The following TBC1D4 variants were observed in gnomAD, a reference collection of about 807,000 sequenced individuals.
TBC1D4 encodes the protein TBC (Tre-2, BUB2, CDC16) domain-containing protein.
A neutral mutation model predicts 142.5 loss-of-function variants in TBC1D4; 121 were observed. The observed-to-expected ratio is 0.85, with a 90% CI of 0.73 to 0.99. The LOEUF (loss-of-function observed/expected upper bound fraction) is 0.99. TBC1D4 is among the 50% of genes least tolerant of loss of function. TBC1D4 has a pLI of 0.00. For missense variants in TBC1D4, 1,475 were observed against 1,606.6 expected, an observed-to-expected ratio of 0.92 and a Z score of 1.40; for synonymous variants, 630 against 628.2, an observed-to-expected ratio of 1.00 and a Z score of -0.04.
At position 75,302,544 on chromosome 13, in the gene TBC1D4, A is replaced by G. The variant is rs1876688625; in HGVS notation, c.2753-143T>C. ...TAAGACCACACAATATAATTGACAG[A>G]AGCATATTTTGACAAGCTGAATCCT... is the stretch of plus-strand genomic sequence containing the variant. On this transcript the variant is annotated intron_variant, in intron 15 of 20. Transcript: ENST00000377636. The G allele has an allele frequency of 3.0e-5, 29 of 963,168 alleles. 1 individual carries two copies. In the South Asian group the frequency reaches 4.2e-4, roughly 14 times the overall value. 59.7% of individuals were successfully genotyped at this position (963,168 alleles called of 1,614,324 possible). A position where few individuals can be genotyped will look rare whatever the true frequency, so the allele number is the denominator to read the frequency against.
chr13:75,465,321 A>G (rs1026709271), intron 1 of TBC1D4, among the ~76,000 whole-genome samples: 1 of 152,222 alleles, frequency 6.6e-6, no homozygotes, highest in East Asian at 1.9e-4. Context: ...CTCTATACCA[A>G]GATCCAACAC....
rs1270607066 is a variant in TBC1D4 at position 75,324,440 on chromosome 13, A to G, written c.2034-39T>C. 3.7e-6 allele frequency: 6 copies of G among 1,609,166 alleles called. No homozygotes were observed. In the South Asian group the frequency reaches 6.6e-5, roughly 18 times the overall value. On this transcript the variant is annotated intron_variant, in intron 10 of 20. Coordinates refer to ENST00000377636, the MANE Select transcript of TBC1D4 (RefSeq NM_014832.5). ...ATACAGCAAATATGTCTTAATTTAT[A>G]TTTTGACAAAATCTTCATTCACTAT...
intron 1 of TBC1D4, among the ~76,000 whole-genome samples, chr13:75,469,752 G>A (rs1888321146): frequency 6.6e-6 from 1 of 152,114 alleles, no homozygotes. Context: ...TCCAGCCTGG[G>A]CCACAGAGCA....
At chr13:75,454,502 C>T (rs1263948270) in intron 1 of TBC1D4, among the ~76,000 whole-genome samples, 1 of 152,190 alleles carries the variant, frequency 6.6e-6, no homozygotes, top group Non-Finnish European at 1.5e-5. Flanking sequence ...ATACGATTCA[C>T]ATGAAATTAC....
chr13:75,340,744 C>T (rs1880616580), intron 7 of TBC1D4, among the ~76,000 whole-genome samples: 2 of 151,916 alleles, frequency 1.3e-5, no homozygotes, highest in South Asian at 2.1e-4. Context: ...GTTGGGAGTT[C>T]GTGACCAGCC....
intron 11 of TBC1D4, among the ~76,000 whole-genome samples, chr13:75,323,233 G>A (rs1878932905): frequency 6.6e-6 from 1 of 152,094 alleles, no homozygotes; most frequent in South Asian, 2.1e-4. Flanking sequence ...ACTACAAGAA[G>A]TGCCAATTAT....
rs1874698299 is a variant in TBC1D4 at position 75,286,649 on chromosome 13, T to C, written c.*143A>G. ...TTGGCATGCTCTGATGAGCACGAGG[T>C]CCACCTGCTGTGACTAGGCGCTCAG... On this transcript the variant is annotated 3_prime_UTR_variant, in exon 21 of 21. Coordinates refer to ENST00000377636, the MANE Select transcript of TBC1D4 (RefSeq NM_014832.5). The C allele has an allele frequency of 1.2e-6, 1 of 810,838 alleles. No homozygotes were observed. The highest frequency in any genetic ancestry group is 2.1e-5 in the Admixed American group (1 of 46,682). The allele number at this position is 810,838 out of a possible 1,614,324, so 50.2% of individuals were successfully genotyped here.
chr13:75,408,413 A>G (rs1481875476), intron 1 of TBC1D4, among the ~76,000 whole-genome samples: 1 of 152,208 alleles, frequency 6.6e-6, no homozygotes, highest in Non-Finnish European at 1.5e-5. Flanking sequence ...TGCAATGAAA[A>G]TTCACATACG....
At chr13:75,423,750 G>A (rs1040274101) in intron 1 of TBC1D4, among the ~76,000 whole-genome samples, 3 of 152,086 alleles carry the variant, frequency 2.0e-5, no homozygotes, top group African/African-American at 7.2e-5. Context: ...TTCCTATTAG[G>A]ATCTTTGCTC....
At chr13:75,479,929 G>A (rs1210775581) in intron 1 of TBC1D4, among the ~76,000 whole-genome samples, 1 of 152,064 alleles carries the variant, frequency 6.6e-6, no homozygotes, top group African/African-American at 2.4e-5. Flanking sequence ...CTACTGGGGA[G>A]GCTGAGGCAC....
rs780940027 is a variant in TBC1D4, at chr13:75,295,008, T to C, written c.3162A>G (p.Gln1054=). 2.9e-5 allele frequency: 47 copies of C among 1,613,676 alleles called. No individual in the cohort carries two copies. The Middle Eastern group carries it at 1.3e-3, about 45-fold the overall frequency. The change falls in exon 18 of 21, where the codon CAA becomes CAG. Residue 1054 remains glutamine (Q), a synonymous_variant. Coordinates refer to ENST00000377636, the MANE Select transcript of TBC1D4 (RefSeq NM_014832.5). ...YRPDMMSLQI[Q]MYQLSRLLHD... ...GAAGGAGCCTGGACAGCTGGTACAT[T>C]TGAATCTAAAGTTAATTTGGAGAAG...
intron 1 of TBC1D4, among the ~76,000 whole-genome samples, chr13:75,447,377 T>C (rs1164673475): frequency 6.6e-6 from 1 of 152,144 alleles, no homozygotes; most frequent in Admixed American, 6.5e-5. Context: ...CATTAACACT[T>C]TCTTCTAATA....
Position 75,362,609 on chromosome 13 carries a change from TG to T in TBC1D4, c.499-3del, listed in dbSNP as rs1315736207. 3 of 1,613,574 alleles carry T rather than the reference TG, an allele frequency of 1.9e-6. No individual in the cohort carries two copies. Among genetic ancestry groups the T allele is most frequent in the African/African-American group, 2.7e-5 (2 of 74,888 alleles). On this transcript the variant is annotated splice_region_variant and splice_polypyrimidine_tract_variant and intron_variant, in intron 1 of 20. Transcript: ENST00000377636. The surrounding 1 kb of genome is among the most constrained non-coding windows in gnomAD (Gnocchi z 4.2). ...TATGCTGCTAATAACATCAGGAACC[TG>T]GGGGAAAAAATTAAAACCCTGATTC...
At chr13:75,480,787 G>T (rs1888813919) in intron 1 of TBC1D4, among the ~76,000 whole-genome samples, 1 of 152,280 alleles carries the variant, frequency 6.6e-6, no homozygotes. Flanking sequence ...CAGCCAAACC[G>T]GTTAAGGATT....
intron 1 of TBC1D4, among the ~76,000 whole-genome samples, chr13:75,398,518 A>G (rs141436904): frequency 2.1e-3 from 314 of 152,334 alleles, no homozygotes; most frequent in African/African-American, 7.4e-3. Context: ...GAGAGTATCT[A>G]ATGAACTTGG....
At chr13:75,359,665 T>TC in intron 3 of TBC1D4, 104 bp downstream of exon 3, 1 of 930,802 alleles carries the variant, frequency 1.1e-6, no homozygotes, top group Non-Finnish European at 1.6e-6. Context: ...AATTTAAATT[T>TC]CAAAAAAAAT....
chr13:75,443,086 C>A (rs1887119544), intron 1 of TBC1D4, among the ~76,000 whole-genome samples: 1 of 152,178 alleles, frequency 6.6e-6, no homozygotes, highest in Non-Finnish European at 1.5e-5. Flanking sequence ...TGGGCTTAGG[C>A]AAGTAATTAG....
At chr13:75,317,618 T>C (rs879422306) in intron 12 of TBC1D4, among the ~76,000 whole-genome samples, 3 of 152,228 alleles carry the variant, frequency 2.0e-5, no homozygotes, top group Non-Finnish European at 2.9e-5. Flanking sequence ...CTTCTTCTTT[T>C]GTATTTTGGA....
At chr13:75,290,647 T>C (rs1196468075) in intron 19 of TBC1D4, among the ~76,000 whole-genome samples, 2 of 152,202 alleles carry the variant, frequency 1.3e-5, no homozygotes, top group South Asian at 2.1e-4. Context: ...TAGATATTTG[T>C]GATTTAGATT....
Sources: allele counts gnomAD v4.1 joint callset (sites outside exome capture counted in the v4.1 genomes callset), GRCh38; gene constraint gnomAD v4.1.1; non-coding constraint Gnocchi (gnomAD v3.1); transcripts MANE v1.5; gene names NCBI Gene and HGNC (gene_info 2026-07-23, HGNC 2026-07-21).